Variants in BCAS3 observed in about 807,000 individuals in gnomAD.
BCAS3 encodes BCAS4/BCAS3 fusion.
In BCAS3, 53 loss-of-function variants were observed where a neutral mutation model predicts 116.1. The observed-to-expected ratio is 0.46, with a 90% confidence interval of 0.37 to 0.57. BCAS3 has a LOEUF of 0.57. Among genes scored for constraint, BCAS3 ranks in the 20% least tolerant of loss-of-function variants. The pLI is 0.00. For missense variants in BCAS3, 917 were observed against 1,165.4 expected (o/e 0.79, Z 3.10); for synonymous variants, 391 against 408.2 (o/e 0.96, Z 0.51).
intron 22 of BCAS3, among the ~76,000 whole-genome samples, chr17:61,175,451 T>A (rs2144139397): frequency 6.6e-6 from 1 of 152,044 alleles, no homozygotes; most frequent in Non-Finnish European, 1.5e-5. Context: ...GATCAGTAAC[T>A]CACATATGTG....
At position 61,087,693 on chromosome 17, in the gene BCAS3, A is replaced by G. The variant is rs1482125095; in HGVS notation, c.2425+3129A>G. ...CAAAGAAACACATTGCCTAAAATAC[A>G]TATTTTTAAATTATTAACTTCAGTG... On this transcript the variant is annotated intron_variant, in intron 22 of 23. Transcript: ENST00000407086. This position sits in a 1 kb window ranked among gnomAD's most constrained non-coding sequence, Gnocchi z 4.6. 6.6e-6 allele frequency among the ~76,000 whole-genome samples: 1 copy of G among 152,208 alleles called. No individual in the cohort carries two copies. The highest frequency in any genetic ancestry group is 1.5e-5 in the Non-Finnish European group (1 of 68,040).
chr17:61,100,875 G>T (rs78652281), intron 22 of BCAS3, among the ~76,000 whole-genome samples: 2 of 117,732 alleles, frequency 1.7e-5, no homozygotes, highest in African/African-American at 9.1e-5. Flanking sequence ...TAGATTTTTT[G>T]TTTTCAACAG....
intron 6 of BCAS3, among the ~76,000 whole-genome samples, chr17:60,786,361 A>C (rs1568248661): frequency 6.6e-6 from 1 of 151,978 alleles, no homozygotes; most frequent in African/African-American, 2.4e-5. Context: ...AAGAAAGAAA[A>C]AAAGTATTGT....
At chr17:60,852,619 C>G (rs1242550159) in intron 7 of BCAS3, among the ~76,000 whole-genome samples, 4 of 151,794 alleles carry the variant, frequency 2.6e-5, no homozygotes, top group Non-Finnish European at 4.4e-5. Context: ...GATCCTCAAC[C>G]AATAAAATCT....
chr17:61,317,274 G>A (rs922157290), intron 22 of BCAS3, among the ~76,000 whole-genome samples: 2 of 152,174 alleles, frequency 1.3e-5, no homozygotes, highest in East Asian at 1.9e-4. Flanking sequence ...AAAGGCCAGA[G>A]AGAGGGGACT....
intron 22 of BCAS3, among the ~76,000 whole-genome samples, chr17:61,092,899 CTTTTTTTTTTTTT>C (rs959718467): frequency 8.8e-5 from 7 of 79,550 alleles, no homozygotes; most frequent in East Asian, 4.1e-4. Flanking sequence ...TTTGTCCAGT[CTTTTTTTTTTTTT>C]TTTTTTTTTT....
At chr17:60,864,142 G>T (rs973358885) in intron 7 of BCAS3, among the ~76,000 whole-genome samples, 2 of 152,176 alleles carry the variant, frequency 1.3e-5, no homozygotes, top group African/African-American at 4.8e-5. Flanking sequence ...GTTTTTCTTG[G>T]AAAGGGATGG....
At position 61,220,047 on chromosome 17, in the gene BCAS3, G is replaced by A. The variant is rs887735964; in HGVS notation, c.2425+135483G>A. On this transcript the variant is annotated intron_variant, in intron 22 of 23. Transcript: ENST00000407086. This position sits in a 1 kb window ranked among gnomAD's most constrained non-coding sequence, Gnocchi z 4.5. Reference sequence around the variant, plus strand: ...GCGGTGGCTCACGCCTGTAATCCCAGCACTTTGGGAGGTTGAGGTGGGCAG... The same window carrying A: ...GCGGTGGCTCACGCCTGTAATCCCAACACTTTGGGAGGTTGAGGTGGGCAG... Among the ~76,000 whole-genome samples the A allele has an allele frequency of 1.3e-5, 2 of 152,152 alleles. No homozygotes were observed. The highest frequency in any genetic ancestry group is 4.8e-5 in the African/African-American group (2 of 41,426).
chr17:60,913,604 G>A (rs9906346), intron 12 of BCAS3, among the ~76,000 whole-genome samples: 27,814 of 151,950 alleles, frequency 0.18, 2,827 homozygotes, highest in African/African-American at 0.28. Flanking sequence ...AGCCCCTTCC[G>A]CTGATGTTTA....
rs1278374617 is a variant in BCAS3 at position 61,228,736 on chromosome 17, A to G, written c.2426-139591A>G. On this transcript the variant is annotated intron_variant, in intron 22 of 23. Coordinates refer to ENST00000407086, the MANE Select transcript of BCAS3 (RefSeq NM_017679.5). The surrounding 1 kb of genome is among the most constrained non-coding windows in gnomAD (Gnocchi z 5.0). ...TGCTCCACTGACCAGTTGTTCCTCC[A>G]TCTCTCTGCCTTTCCGCAGGTCTCC... is the stretch of plus-strand genomic sequence containing the variant. Among the ~76,000 whole-genome samples the G allele has an allele frequency of 1.3e-5, 2 of 152,136 alleles. No homozygotes were observed. Among genetic ancestry groups the G allele is most frequent in the East Asian group, 1.9e-4 (1 of 5,190 alleles).
At chr17:60,702,236 G>C (rs1190193764) in intron 4 of BCAS3, among the ~76,000 whole-genome samples, 1 of 152,170 alleles carries the variant, frequency 6.6e-6, no homozygotes. Flanking sequence ...GTGACCTCCT[G>C]CCGCTGTTGC....
intron 7 of BCAS3, among the ~76,000 whole-genome samples, chr17:60,853,255 A>G (rs1031344968): frequency 6.6e-6 from 1 of 152,182 alleles, no homozygotes; most frequent in Admixed American, 6.5e-5. Flanking sequence ...ATTTTTTTTT[A>G]ACTTCTCATC....
intron 13 of BCAS3, among the ~76,000 whole-genome samples, chr17:60,930,700 C>T (rs1026704919): frequency 2.6e-5 from 4 of 152,116 alleles, no homozygotes; most frequent in South Asian, 2.1e-4. Flanking sequence ...TCAGGTAATC[C>T]GCCTGCCTCA....
At chr17:61,287,951 G>T (rs555439589) in intron 22 of BCAS3, among the ~76,000 whole-genome samples, 1 of 152,302 alleles carries the variant, frequency 6.6e-6, no homozygotes, top group Admixed American at 6.5e-5. Flanking sequence ...CAAGCTGAAG[G>T]TTGCAGGGAT....
At chr17:60,965,301 A>G (rs997280783) in intron 14 of BCAS3, among the ~76,000 whole-genome samples, 1 of 149,884 alleles carries the variant, frequency 6.7e-6, no homozygotes, top group African/African-American at 2.5e-5. Flanking sequence ...GGCTCACTGC[A>G]ACCTCTGCCT....
intron 22 of BCAS3, among the ~76,000 whole-genome samples, chr17:61,148,172 TCA>T (rs769902655): frequency 4.6e-4 from 70 of 151,916 alleles, no homozygotes; most frequent in Non-Finnish European, 7.9e-4. Flanking sequence ...TTAATACATC[TCA>T]CACACACACA....
rs1309848175 is a variant in BCAS3, at chr17:61,332,037, C to T, written c.2426-36290C>T. ...TGTTTGGGCTAATCTTCTCCATATG[C>T]GTGTCTGGTTTGGCATGTGGGTCTC... On this transcript the variant is annotated intron_variant, in intron 22 of 23. Coordinates refer to ENST00000407086, the MANE Select transcript of BCAS3 (RefSeq NM_017679.5). This position sits in a 1 kb window ranked among gnomAD's most constrained non-coding sequence, Gnocchi z 5.4. Among the ~76,000 whole-genome samples the T allele has an allele frequency of 2.0e-5, 3 of 152,160 alleles. No homozygotes were observed. The highest frequency in any genetic ancestry group is 4.8e-5 in the African/African-American group (2 of 41,432).
intron 7 of BCAS3, among the ~76,000 whole-genome samples, chr17:60,855,249 G>C (rs578237229): frequency 1.3e-5 from 2 of 150,598 alleles, no homozygotes; most frequent in African/African-American, 4.9e-5. Flanking sequence ...TGCCCAGAGA[G>C]TTTTTTGTTT....
At chr17:61,373,287 A>C (rs2059144198) in intron 23 of BCAS3, among the ~76,000 whole-genome samples, 1 of 151,990 alleles carries the variant, frequency 6.6e-6, no homozygotes, top group Admixed American at 6.6e-5. Flanking sequence ...ACAGGGTTTC[A>C]CCGTGTTAGC....
Sources: gnomAD v4.1 joint callset for allele counts (sites outside exome capture counted in the v4.1 genomes callset) on GRCh38, gnomAD v4.1.1 for gene constraint, Gnocchi (gnomAD v3.1) non-coding constraint, MANE v1.5 for transcripts, NCBI Gene and HGNC (gene_info 2026-07-23, HGNC 2026-07-21) for gene names.